Variants in TLN2 observed in about 807,000 individuals in gnomAD.
The protein encoded by TLN2 is talin 2, also known as talin-2.
TLN2 carries 118 observed loss-of-function variants against 294.7 expected under a neutral mutation model. That is an observed-to-expected ratio of 0.40 (90% confidence interval 0.34 to 0.47). The LOEUF (loss-of-function observed/expected upper bound fraction) is 0.47. Ranked by LOEUF, TLN2 falls within the 20% of genes least tolerant of loss-of-function variation. TLN2 has a pLI of 0.84. For synonymous variants in TLN2, 1,431 were observed against 1,304.5 expected, an observed-to-expected ratio of 1.10 and a Z score of -2.09; for missense variants, 3,083 against 3,282.2, an observed-to-expected ratio of 0.94 and a Z score of 1.48.
chr15:62,543,377 A>G (rs1005817303), intron 1 of TLN2, among the ~76,000 whole-genome samples: 1 of 152,204 alleles, frequency 6.6e-6, no homozygotes, highest in Non-Finnish European at 1.5e-5. Context: ...AGATATAATT[A>G]TGTGCAATGT....
At position 62,742,022 on chromosome 15, in the gene TLN2, GGGGTGTGTGTGTGTGTGTGT is replaced by G. The variant is rs1168298221; in HGVS notation, c.4025+1255_4025+1274del. On this transcript the variant is annotated intron_variant, in intron 32 of 58. Coordinates refer to ENST00000636159, the MANE Select transcript of TLN2 (RefSeq NM_015059.3). ...TCCTTCCTCCCTCTTGGCTTGTAGT[GGGGTGTGTGTGTGTGTGTGT>G]GTGTGTGTGTGTGTGTGTGTGTGTG... 8.0e-4 allele frequency among the ~76,000 whole-genome samples: 80 copies of G among 100,224 alleles called. 2 individuals are homozygous for G. The East Asian group carries it at 0.017, about 22-fold the overall frequency. The allele number at this position is 100,224 out of a possible 152,430, so 65.8% of individuals were successfully genotyped here. A position where few individuals can be genotyped will look rare whatever the true frequency, so the allele number is the denominator to read the frequency against.
At chr15:62,698,107 C>T (rs1274778815) in intron 15 of TLN2, among the ~76,000 whole-genome samples, 1 of 152,198 alleles carries the variant, frequency 6.6e-6, no homozygotes, top group Non-Finnish European at 1.5e-5. Flanking sequence ...TGTACAGGGA[C>T]AGAACTCTGC....
intron 1 of TLN2, among the ~76,000 whole-genome samples, chr15:62,428,822 C>G (rs947873003): frequency 6.6e-6 from 1 of 152,156 alleles, no homozygotes; most frequent in African/African-American, 2.4e-5. Flanking sequence ...CTGTAGTTTC[C>G]AGTAGGTAAT....
rs547928391 is a variant in TLN2 at position 62,680,610 on chromosome 15, A to G, written c.957+5289A>G. On this transcript the variant is annotated intron_variant, in intron 11 of 58. Transcript: ENST00000636159. ...TTTTTTTTTCAATAGCTTTTGGGGT[A>G]TAAGCGTTTTTTTTGTTACATGGGT... 1.8e-3 allele frequency among the ~76,000 whole-genome samples: 269 copies of G among 151,270 alleles called. 1 individual carries two copies. The highest frequency in any genetic ancestry group is 5.6e-3 in the African/African-American group (232 of 41,206).
chr15:62,465,980 A>G (rs2037114035), intron 1 of TLN2, among the ~76,000 whole-genome samples: 4 of 152,088 alleles, frequency 2.6e-5, no homozygotes, highest in Admixed American at 6.6e-5. Context: ...GTCGCGAGGG[A>G]CTGGCGTGGT....
intron 1 of TLN2, among the ~76,000 whole-genome samples, chr15:62,441,665 C>A (rs2140305707): frequency 6.6e-6 from 1 of 152,278 alleles, no homozygotes; most frequent in African/African-American, 2.4e-5. Context: ...AGGGTCAGAT[C>A]CCATAGGTTG....
chr15:62,808,662 G>A (rs999903183), intron 51 of TLN2, among the ~76,000 whole-genome samples: 7 of 152,164 alleles, frequency 4.6e-5, no homozygotes, highest in Non-Finnish European at 8.8e-5. Context: ...AGTAGCATCC[G>A]GGCCTGTGTC....
intron 40 of TLN2, 151 bp downstream of exon 40, chr15:62,763,846 G>GT: frequency 7.8e-7 from 1 of 1,278,546 alleles, no homozygotes; most frequent in Non-Finnish European, 1.0e-6. Flanking sequence ...GAGCCAATCT[G>GT]GGAACTTTTT....
chr15:62,679,303 A>T (rs1038073947), intron 11 of TLN2, among the ~76,000 whole-genome samples: 1 of 152,228 alleles, frequency 6.6e-6, no homozygotes, highest in African/African-American at 2.4e-5. Flanking sequence ...GAAAGTGTAT[A>T]TCCACATAAA....
intron 19 of TLN2, among the ~76,000 whole-genome samples, chr15:62,705,905 C>T (rs1250585791): frequency 6.6e-6 from 1 of 152,226 alleles, no homozygotes; most frequent in Non-Finnish European, 1.5e-5. Context: ...TCCTTTAAGA[C>T]CACTTAGTTT....
intron 11 of TLN2, among the ~76,000 whole-genome samples, chr15:62,676,038 C>G (rs2056147288): frequency 6.6e-6 from 1 of 152,186 alleles, no homozygotes; most frequent in South Asian, 2.1e-4. Context: ...AAAGCTCTAA[C>G]TTATAGTCAG....
chr15:62,492,266 A>G (rs934322143), intron 1 of TLN2, among the ~76,000 whole-genome samples: 2 of 152,114 alleles, frequency 1.3e-5, no homozygotes, highest in African/African-American at 2.4e-5. Context: ...CCTGGCTAAT[A>G]TGGTGATACT....
chr15:62,825,836 A>ATTAT (rs1555522053), intron 54 of TLN2, among the ~76,000 whole-genome samples: 2 of 77,052 alleles, frequency 2.6e-5, no homozygotes, highest in African/African-American at 8.2e-5. Flanking sequence ...TATAATATAT[A>ATTAT]ATATATATAA....
At chr15:62,484,661 A>G (rs950259085) in intron 1 of TLN2, among the ~76,000 whole-genome samples, 1 of 151,916 alleles carries the variant, frequency 6.6e-6, no homozygotes, top group African/African-American at 2.4e-5. Flanking sequence ...TCCTGACCTC[A>G]TGATCCACCC....
At chr15:62,539,627 G>C (rs2041557840) in intron 1 of TLN2, among the ~76,000 whole-genome samples, 1 of 152,158 alleles carries the variant, frequency 6.6e-6, no homozygotes, top group Middle Eastern at 3.2e-3. Context: ...TTGGAAACTA[G>C]AAGAAGGTAG....
chr15:62,395,418 A>G (rs1413763569), intron 1 of TLN2, among the ~76,000 whole-genome samples: 1 of 152,084 alleles, frequency 6.6e-6, no homozygotes, highest in Non-Finnish European at 1.5e-5. Context: ...TGTCCATACA[A>G]TTGATACATC....
chr15:62,421,686 G>T (rs368665050), intron 1 of TLN2, among the ~76,000 whole-genome samples: 28 of 151,966 alleles, frequency 1.8e-4, no homozygotes, highest in African/African-American at 5.6e-4. Flanking sequence ...GGTAGGGGGT[G>T]GGGGGAGAGA....
At chr15:62,756,492 GCTCC>G (rs996199536) in intron 37 of TLN2, among the ~76,000 whole-genome samples, 5 of 152,140 alleles carry the variant, frequency 3.3e-5, no homozygotes, top group African/African-American at 1.2e-4. Context: ...CATCGCGCCA[GCTCC>G]CTCCACAGCC....
intron 1 of TLN2, among the ~76,000 whole-genome samples, chr15:62,533,064 G>T (rs2041136518): frequency 6.6e-6 from 1 of 151,930 alleles, no homozygotes; most frequent in Admixed American, 6.6e-5. Context: ...GACCAGCCTG[G>T]CCAAAGTGGT....
Sources: gnomAD v4.1 joint callset for allele counts (sites outside exome capture counted in the v4.1 genomes callset) on GRCh38, gnomAD v4.1.1 for gene constraint, MANE v1.5 for transcripts, NCBI Gene and HGNC (gene_info 2026-07-23, HGNC 2026-07-21) for gene names.